The following TCF12 variants were observed in gnomAD, a reference collection of about 807,000 sequenced individuals.
The protein encoded by TCF12 is DNA-binding protein HTF4.
A neutral mutation model predicts 86.0 loss-of-function variants in TCF12; 45 were observed. The ratio of observed to expected loss-of-function variants is 0.52; its 90% CI spans 0.41 to 0.67. TCF12 has a LOEUF of 0.67. Among genes scored for constraint, TCF12 ranks in the 30% least tolerant of loss-of-function variants. The pLI, the probability that TCF12 is intolerant of heterozygous loss-of-function variation, is 0.00. For missense variants in TCF12, 881 were observed against 859.9 expected, an observed-to-expected ratio of 1.02 and a Z score of -0.31; for synonymous variants, 330 against 299.6, an observed-to-expected ratio of 1.10 and a Z score of -1.05.
intron 4 of TCF12, among the ~76,000 whole-genome samples, chr15:57,064,032 GTTAC>G (rs1261859669): frequency 6.6e-6 from 1 of 152,162 alleles, no homozygotes. Context: ...TATTCTTGGT[GTTAC>G]TTGTACACAT....
chr15:57,224,620 TAGAAA>T (rs2058780204), intron 8 of TCF12, among the ~76,000 whole-genome samples: 1 of 152,170 alleles, frequency 6.6e-6, no homozygotes, highest in African/African-American at 2.4e-5. Context: ...TTACTGTTGT[TAGAAA>T]AGAAATTTCA....
intron 5 of TCF12, among the ~76,000 whole-genome samples, chr15:57,094,770 T>G (rs550264893): frequency 6.6e-6 from 1 of 152,276 alleles, no homozygotes. Flanking sequence ...TGTCAACATA[T>G]AAAAACACCA....
At chr15:57,217,319 A>G (rs1472161098) in intron 8 of TCF12, among the ~76,000 whole-genome samples, 3 of 152,162 alleles carry the variant, frequency 2.0e-5, no homozygotes, top group Admixed American at 6.6e-5. Flanking sequence ...TGGCTTTTAC[A>G]GTGAATTTCT....
At chr15:57,200,873 G>A (rs1184388851) in intron 8 of TCF12, among the ~76,000 whole-genome samples, 1 of 152,162 alleles carries the variant, frequency 6.6e-6, no homozygotes, top group African/African-American at 2.4e-5. Context: ...AGTATAGTCA[G>A]TAACATTAAG....
intron 3 of TCF12, among the ~76,000 whole-genome samples, chr15:57,045,042 T>A (rs2067140800): frequency 6.6e-6 from 1 of 152,334 alleles, no homozygotes; most frequent in Non-Finnish European, 1.5e-5. Flanking sequence ...ATATAATTGA[T>A]CATTGTAGAA....
chr15:56,920,095 C>A (rs2140158532), intron 2 of TCF12, 107 bp downstream of exon 2: 2 of 1,225,820 alleles, frequency 1.6e-6, no homozygotes, highest in African/African-American at 1.5e-5. Context: ...GGAGACTAGG[C>A]AGCGTGAACT....
At chr15:57,082,727 A>G (rs577086866) in intron 4 of TCF12, among the ~76,000 whole-genome samples, 5 of 152,302 alleles carry the variant, frequency 3.3e-5, no homozygotes, top group East Asian at 1.9e-4. Context: ...ATGATAACAT[A>G]TTTCTATTCT....
rs533553433 is a variant in TCF12 at position 56,922,196 on chromosome 15, T to C, written c.148+1098T>C. Among the ~76,000 whole-genome samples the C allele has an allele frequency of 1.3e-5, 2 of 152,082 alleles. 1 individual carries two copies. Among genetic ancestry groups the C allele is most frequent in the South Asian group, 4.1e-4 (2 of 4,822 alleles). Reference sequence around the variant, plus strand: ...GATGGCTGTATTTCTTTACTGGTGTTGATACATCTCATTTTTGCAACTAAT... The same window carrying C: ...GATGGCTGTATTTCTTTACTGGTGTCGATACATCTCATTTTTGCAACTAAT... On this transcript the variant is annotated intron_variant, in intron 3 of 20. Coordinates refer to ENST00000333725, the MANE Select transcript of TCF12 (RefSeq NM_207037.2).
chr15:57,077,011 T>A (rs1219776782), intron 4 of TCF12, among the ~76,000 whole-genome samples: 1 of 152,172 alleles, frequency 6.6e-6, no homozygotes, highest in African/African-American at 2.4e-5. Context: ...TTTTATTGAT[T>A]TTATCTTCAC....
intron 3 of TCF12, among the ~76,000 whole-genome samples, chr15:57,054,937 A>G (rs780509746): frequency 2.6e-5 from 4 of 152,084 alleles, no homozygotes; most frequent in East Asian, 3.9e-4. Context: ...CCTTTATGCT[A>G]TAGTTATCAT....
At chr15:57,130,324 C>T (rs1342847100) in intron 5 of TCF12, among the ~76,000 whole-genome samples, 3 of 151,942 alleles carry the variant, frequency 2.0e-5, no homozygotes, top group Non-Finnish European at 4.4e-5. Flanking sequence ...GGACCACTGA[C>T]ATATATTATT....
At chr15:57,242,353 G>C (rs914311643) in intron 12 of TCF12, among the ~76,000 whole-genome samples, 1 of 152,170 alleles carries the variant, frequency 6.6e-6, no homozygotes, top group South Asian at 2.1e-4. Context: ...AGAGATCTTA[G>C]GGATGGGCCT....
intron 3 of TCF12, among the ~76,000 whole-genome samples, chr15:57,036,318 T>C (rs1177722315): frequency 6.6e-6 from 1 of 152,018 alleles, no homozygotes; most frequent in African/African-American, 2.4e-5. Context: ...AGAAGAGATA[T>C]TTTAAAGGGG....
At chr15:57,231,939 A>G (rs1438409356) in intron 9 of TCF12, among the ~76,000 whole-genome samples, 3 of 152,196 alleles carry the variant, frequency 2.0e-5, no homozygotes. Context: ...CGTGTTATGC[A>G]TTAATAACTT....
chr15:57,221,869 T>C (rs1026088855), intron 8 of TCF12, among the ~76,000 whole-genome samples: 7 of 152,092 alleles, frequency 4.6e-5, no homozygotes, highest in African/African-American at 1.7e-4. Flanking sequence ...GTAATTACAT[T>C]GTCTCAAGAT....
intron 4 of TCF12, among the ~76,000 whole-genome samples, chr15:57,087,881 C>T (rs750046028): frequency 3.9e-5 from 6 of 152,140 alleles, no homozygotes; most frequent in Non-Finnish European, 5.9e-5. Context: ...CTCTGTCCTT[C>T]ATAATGTATG....
intron 5 of TCF12, among the ~76,000 whole-genome samples, chr15:57,152,140 CCTAA>C (rs1181066325): frequency 2.0e-5 from 3 of 152,190 alleles, no homozygotes; most frequent in African/African-American, 7.2e-5. Context: ...AAGCTAAACT[CCTAA>C]CTGATTGTCT....
At chr15:57,102,190 T>G (rs535406550) in intron 5 of TCF12, among the ~76,000 whole-genome samples, 19 of 152,318 alleles carry the variant, frequency 1.2e-4, no homozygotes, top group African/African-American at 4.6e-4. Context: ...GCTATAAAAA[T>G]AACAGTTGGT....
At chr15:57,058,986 C>G (rs1437499359) in intron 3 of TCF12, among the ~76,000 whole-genome samples, 1 of 152,088 alleles carries the variant, frequency 6.6e-6, no homozygotes, top group Non-Finnish European at 1.5e-5. Flanking sequence ...AATAAAGACA[C>G]TATTAAAAAT....
Sources: allele counts gnomAD v4.1 joint callset (sites outside exome capture counted in the v4.1 genomes callset), GRCh38; gene constraint gnomAD v4.1.1; transcripts MANE v1.5; gene names NCBI Gene and HGNC (gene_info 2026-07-23, HGNC 2026-07-21).